ZPBP2: variants seen among roughly 807,000 people sequenced by gnomAD.
The protein encoded by ZPBP2 is zona pellucida-binding protein 2.
In ZPBP2, 34 loss-of-function variants were observed where a neutral mutation model predicts 37.5. The ratio of observed to expected loss-of-function variants is 0.91; its 90% CI spans 0.69 to 1.21. The LOEUF (loss-of-function observed/expected upper bound fraction) is 1.21, where lower values mean the gene tolerates loss of function less well. ZPBP2 is among the 50% of genes most tolerant of loss of function. The pLI is 0.00. For synonymous variants in ZPBP2, 143 were observed against 138.4 expected (o/e 1.03, Z -0.23); for missense variants, 397 against 413.5 (o/e 0.96, Z 0.35).
At chr17:39,869,126 A>G (rs2063349745) in intron 2 of ZPBP2, among the ~76,000 whole-genome samples, 1 of 152,138 alleles carries the variant, frequency 6.6e-6, no homozygotes, top group East Asian at 1.9e-4. Flanking sequence ...TCTGTGTTTG[A>G]GTTCTCTCCC....
Position 39,872,339 on chromosome 17 carries a change from A to C in ZPBP2, c.476A>C (p.Tyr159Ser). The C allele has an allele frequency of 6.2e-7, 1 of 1,613,528 alleles. No homozygotes were observed. The highest frequency in any genetic ancestry group is 8.5e-7 in the Non-Finnish European group (1 of 1,179,752). Residue 159 changes from tyrosine to serine, a missense_variant, in exon 5 of 8, where the codon TAC (tyrosine) becomes TCC (serine). Tyr to Ser is a moderately radical substitution (Grantham distance 144, BLOSUM62 -2). Transcript: ENST00000348931. ...ACCACAAGGTCTTGTATAGGGAGAT[A>C]CAATGATGTATTCTTTAGAGTGCTG... is the stretch of plus-strand genomic sequence containing the variant. ...RFTTRSCIGR[Y>S]NDVFFRVLKK...
intron 7 of ZPBP2, among the ~76,000 whole-genome samples, chr17:39,875,798 G>A (rs192855725): frequency 1.5e-4 from 22 of 148,908 alleles, no homozygotes; most frequent in Admixed American, 4.7e-4. Flanking sequence ...GGCTGGTCTC[G>A]ACTGAACTCC....
chr17:39,873,162 T>G (rs2063373380), intron 6 of ZPBP2, 36 bp downstream of exon 6: 2 of 1,589,732 alleles, frequency 1.3e-6, no homozygotes, highest in Non-Finnish European at 1.7e-6. Context: ...GTATTTGTCT[T>G]TTTCTTTTTT....
intron 7 of ZPBP2, 88 bp from the exon 8 acceptor site, chr17:39,876,594 A>G: frequency 6.8e-7 from 1 of 1,465,804 alleles, no homozygotes; most frequent in Non-Finnish European, 9.3e-7. Flanking sequence ...TTAAAGGCAG[A>G]TTTATATTGT....
At chr17:39,871,441 A>G in intron 3 of ZPBP2, 23 bp from the exon 4 acceptor site, 2 of 1,496,178 alleles carry the variant, frequency 1.3e-6, no homozygotes, top group Non-Finnish European at 1.8e-6. Flanking sequence ...TATGTTAAAT[A>G]AGTAATTTAC....
chr17:39,871,474 A>G lies in ZPBP2; in HGVS notation c.255A>G (p.Arg85=). Residue 85 remains arginine (R), a synonymous_variant, in exon 4 of 8, where the codon AGA becomes AGG. Coordinates refer to ENST00000348931, the MANE Select transcript of ZPBP2 (RefSeq NM_199321.3). ...TACTATTCTGTTTAGGAAATAATAG[A>G]ATAAATATAACTGAAACTGGACAGC... ...PNEKTLTGNN[R]INITETGQLM... is the part of the protein sequence containing the mutation. 3.8e-6 allele frequency: 6 copies of G among 1,585,132 alleles called. No individual in the cohort carries two copies. Among genetic ancestry groups the G allele is most frequent in the Non-Finnish European group, 5.1e-6 (6 of 1,168,744 alleles).
rs1338125182 is a variant in ZPBP2, at chr17:39,872,472, A to C, written c.609A>C (p.Leu203=). 2 of 1,595,664 alleles carry C rather than the reference A, an allele frequency of 1.3e-6. No individual in the cohort carries two copies. The highest frequency in any genetic ancestry group is 1.7e-6 in the Non-Finnish European group (2 of 1,174,068). ...CAGAACATGGCCTCATACATGAGCT[A>C]TTTATAGCATTTCAAGGTAAAATTT... ...EIPEHGLIHE[L]FIAFQVNPFA... The change falls in exon 5 of 8, where the codon CTA becomes CTC. Residue 203 remains leucine, a synonymous_variant. Coordinates refer to ENST00000348931, the MANE Select transcript of ZPBP2 (RefSeq NM_199321.3).
chr17:39,869,506 G>A (rs1044192483), intron 2 of ZPBP2, among the ~76,000 whole-genome samples: 5 of 147,032 alleles, frequency 3.4e-5, no homozygotes, highest in African/African-American at 1.3e-4. Flanking sequence ...CTGGGTTCAA[G>A]AGATTCTCCT....
Position 39,872,244 on chromosome 17 carries a change from C to G in ZPBP2, c.407-26C>G, listed in dbSNP as rs111845187. The G allele has an allele frequency of 9.1e-6, 14 of 1,530,086 alleles. No homozygotes were observed. The Admixed American group carries it at 1.7e-4, about 18-fold the overall frequency. 94.8% of individuals were successfully genotyped at this position (1,530,086 alleles called of 1,614,324 possible). On this transcript the variant is annotated intron_variant, in intron 4 of 7. Transcript: ENST00000348931. Reference sequence around the variant, plus strand: ...TTAATGCTAGGTACGATTGTTTTCACTCTCATCTTTCTTTTTTTTTTAAAG... The same window carrying G: ...TTAATGCTAGGTACGATTGTTTTCAGTCTCATCTTTCTTTTTTTTTTAAAG...
chr17:39,872,751 A>T (rs1220759429), intron 5 of ZPBP2, among the ~76,000 whole-genome samples: 1 of 152,194 alleles, frequency 6.6e-6, no homozygotes. Flanking sequence ...TTCACTTATA[A>T]CTTCTTACAG....
chr17:39,868,653 G>T (rs375628807), intron 2 of ZPBP2, 39 bp downstream of exon 2: 2 of 1,610,894 alleles, frequency 1.2e-6, no homozygotes, highest in Non-Finnish European at 1.7e-6. Context: ...CATTGGAGGG[G>T]CCGGAACTGC....
At chr17:39,874,148 C>T (rs968086530) in intron 6 of ZPBP2, among the ~76,000 whole-genome samples, 1 of 151,880 alleles carries the variant, frequency 6.6e-6, no homozygotes, top group East Asian at 1.9e-4. Context: ...ACCACACCCA[C>T]ACCCGGCTAA....
chr17:39,868,638 G>A (rs369828052), intron 2 of ZPBP2, 24 bp downstream of exon 2: 20 of 1,613,406 alleles, frequency 1.2e-5, no homozygotes, highest in African/African-American at 2.7e-5. Flanking sequence ...CTGCACACGC[G>A]GGCCCATTGG....
chr17:39,871,771 G>T, intron 4 of ZPBP2, 146 bp downstream of exon 4: 1 of 618,874 alleles, frequency 1.6e-6, no homozygotes, highest in East Asian at 3.2e-5. Context: ...ATTTGACTAA[G>T]CAAACTCTTA....
intron 7 of ZPBP2, among the ~76,000 whole-genome samples, chr17:39,876,378 G>A (rs2063390723): frequency 6.6e-6 from 1 of 152,080 alleles, no homozygotes. Context: ...TAGGAAATAG[G>A]AACTAGAAAA....
chr17:39,876,292 C>T (rs1188011280), intron 7 of ZPBP2, among the ~76,000 whole-genome samples: 1 of 152,048 alleles, frequency 6.6e-6, no homozygotes, highest in Non-Finnish European at 1.5e-5. Context: ...GTATTATAAA[C>T]ATTTCTATAA....
At chr17:39,876,597 T>G in intron 7 of ZPBP2, 85 bp from the exon 8 acceptor site, 1 of 1,478,082 alleles carries the variant, frequency 6.8e-7, no homozygotes, top group Non-Finnish European at 9.2e-7. Flanking sequence ...AAGGCAGATT[T>G]ATATTGTTGG....
chr17:39,868,246 C>A lies in ZPBP2; in HGVS notation c.-109C>A, dbSNP rs1028703347. 1.3e-5 allele frequency: 17 copies of A among 1,299,796 alleles called. No homozygotes were observed. The African/African-American group carries it at 1.9e-4, about 14-fold the overall frequency. The allele number at this position is 1,299,796 out of a possible 1,614,324, so 80.5% of individuals were successfully genotyped here. A position where few individuals can be genotyped will look rare whatever the true frequency, so the allele number is the denominator to read the frequency against. The stretch of plus-strand genomic sequence containing the variant: ...TGCGACGGACGGGTAGGGGAGGCGA[C>A]CCCGGCGTTCTGCTCCGCACTGTGG... On this transcript the variant is annotated 5_prime_UTR_variant, in exon 1 of 8. Transcript: ENST00000348931.
chr17:39,869,635 C>T (rs1486246569), intron 2 of ZPBP2, among the ~76,000 whole-genome samples: 1 of 150,512 alleles, frequency 6.6e-6, no homozygotes, highest in Non-Finnish European at 1.5e-5. Context: ...GAACTTCTGA[C>T]CTCAGGTGAT....
Sources: allele counts gnomAD v4.1 joint callset (sites outside exome capture counted in the v4.1 genomes callset), GRCh38; gene constraint gnomAD v4.1.1; transcripts MANE v1.5; gene names NCBI Gene and HGNC (gene_info 2026-07-23, HGNC 2026-07-21).